TST: variants seen among roughly 807,000 people sequenced by gnomAD.
TST encodes the protein epididymis secretory sperm binding protein.
In TST, 22 loss-of-function variants were observed where a neutral mutation model predicts 20.4. The ratio of observed to expected loss-of-function variants is 1.08; its 90% CI spans 0.77 to 1.54. The LOEUF (loss-of-function observed/expected upper bound fraction) is 1.54. Among genes scored for constraint, TST ranks in the 40% most tolerant of loss-of-function variants. The pLI, the probability that TST is intolerant of heterozygous loss-of-function variation, is 0.00. For synonymous variants in TST, 187 were observed against 173.8 expected (o/e 1.08, Z -0.60); for missense variants, 392 against 405.2 (o/e 0.97, Z 0.28).
At chr22:37,011,734 T>C (rs958734154) in intron 2 of TST, among the ~76,000 whole-genome samples, 15 of 152,232 alleles carry the variant, frequency 9.9e-5, no homozygotes, top group Non-Finnish European at 1.8e-4. Flanking sequence ...TTGCAAATGC[T>C]ATGTGCTGAG....
intron 1 of TST, chr22:37,019,133 T>G: frequency 5.9e-6 from 1 of 168,940 alleles, no homozygotes; most frequent in Non-Finnish European, 1.3e-5. Context: ...AGAATCCCCT[T>G]TCCTTCCAAG....
intron 1 of TST, 62 bp from the exon 2 acceptor site, chr22:37,018,815 T>A: frequency 1.7e-6 from 2 of 1,208,280 alleles, no homozygotes; most frequent in Non-Finnish European, 2.2e-6. Context: ...GTGTGTGCAG[T>A]AGGGTGAGGC....
At chr22:37,019,513 G>GA (rs1019335518), upstream of TST, 3 of 149,550 alleles carry the variant, frequency 2.0e-5, no homozygotes, top group Non-Finnish European at 4.5e-5. Flanking sequence ...CGCCAGAGGG[G>GA]GACCCTGCGC....
At chr22:37,016,135 C>T (rs1444601112) in intron 2 of TST, among the ~76,000 whole-genome samples, 1 of 151,500 alleles carries the variant, frequency 6.6e-6, no homozygotes, top group African/African-American at 2.4e-5. Context: ...TTAGTAGCGA[C>T]GGGGTTTCAC....
intron 2 of TST, among the ~76,000 whole-genome samples, chr22:37,016,607 T>C (rs536337725): frequency 6.6e-6 from 1 of 152,194 alleles, no homozygotes; most frequent in Admixed American, 6.5e-5. Context: ...CAGGGCAGGC[T>C]GGGAAGCAGC....
Position 37,018,150 on chromosome 22 carries a change from G to A in TST, c.583C>T (p.Pro195Ser). ...CTGGGACACCTACCTACTGCATCCG[G>A]CTCCGGCTCGGTGCCCAGGAACCGC... ...QGRFLGTEPE[P>S]DAVGLDSGHI... Residue 195 changes from proline to serine, a missense_variant, in exon 2 of 3, where the codon CCG (proline) becomes TCG (serine). Coordinates refer to ENST00000249042, the MANE Select transcript of TST (RefSeq NM_003312.6). 6.4e-7 allele frequency: 1 copy of A among 1,555,740 alleles called. No individual in the cohort carries two copies. The highest frequency in any genetic ancestry group is 8.7e-7 in the Non-Finnish European group (1 of 1,148,910).
chr22:37,018,761 G>T lies in TST; in HGVS notation c.-21-8C>A, dbSNP rs541772320. On this transcript the variant is annotated splice_region_variant and splice_polypyrimidine_tract_variant and intron_variant, in intron 1 of 2. Transcript: ENST00000249042. ...TTCAGCTCTGCGTGTCACCTGGCACGGGTGGGAACCAGGAAAGAGAGACAG... is the reference window on the plus strand; with the variant it reads ...TTCAGCTCTGCGTGTCACCTGGCACTGGTGGGAACCAGGAAAGAGAGACAG... The T allele has an allele frequency of 1.4e-6, 2 of 1,450,276 alleles. No individual in the cohort carries two copies. The highest frequency in any genetic ancestry group is 2.9e-5 in the South Asian group (2 of 69,486). 89.8% of individuals were successfully genotyped at this position (1,450,276 alleles called of 1,614,324 possible). A position where few individuals can be genotyped will look rare whatever the true frequency, so the allele number is the denominator to read the frequency against.
intron 1 of TST, chr22:37,018,975 A>C: frequency 2.3e-6 from 1 of 434,778 alleles, no homozygotes. Context: ...CCCAGCGCAG[A>C]AGCGGGTGGG....
intron 2 of TST, among the ~76,000 whole-genome samples, chr22:37,015,070 ACCC>A (rs1922627330): frequency 6.6e-6 from 1 of 151,954 alleles, no homozygotes; most frequent in African/African-American, 2.4e-5. Context: ...CTTACAGCTC[ACCC>A]CACCCACAGC....
chr22:37,019,474 T>C (rs1601451389), upstream of TST: 2 of 148,542 alleles, frequency 1.3e-5, no homozygotes, highest in East Asian at 4.0e-4. Flanking sequence ...CGGCCGCAGC[T>C]CCCCAGGCGG....
At chr22:37,014,178 C>A (rs899267470) in intron 2 of TST, among the ~76,000 whole-genome samples, 3 of 152,088 alleles carry the variant, frequency 2.0e-5, no homozygotes, top group African/African-American at 7.2e-5. Flanking sequence ...CTGGCTAACA[C>A]GGTGAAACCC....
intron 2 of TST, among the ~76,000 whole-genome samples, chr22:37,016,004 C>T (rs1243499345): frequency 2.2e-5 from 3 of 133,774 alleles, no homozygotes; most frequent in East Asian, 2.2e-4. Context: ...AGTGCAGTGG[C>T]GCGATCTTGG....
upstream of TST, chr22:37,019,750 G>A: frequency 1.8e-6 from 1 of 567,834 alleles, no homozygotes; most frequent in Non-Finnish European, 2.6e-6. Context: ...CTGTGCCGGA[G>A]TCTCCTCCCT....
chr22:37,018,201 G>T lies in TST; in HGVS notation c.532C>A (p.Gln178Lys). 7 of 1,612,106 alleles carry T rather than the reference G, an allele frequency of 4.3e-6. No individual in the cohort carries two copies. Among genetic ancestry groups the T allele is most frequent in the Non-Finnish European group, 5.9e-6 (7 of 1,179,042 alleles). ...VLENLESKRF[Q>K]LVDSRSQGRF... ...CCTTGAGACCTTGAATCCACCAGCT[G>T]GAACCTCTTAGATTCAAGGTTCTCC... Residue 178 changes from glutamine (Q) to lysine (K), a missense_variant, in exon 2 of 3, where the codon CAG becomes AAG. Coordinates refer to ENST00000249042, the MANE Select transcript of TST (RefSeq NM_003312.6).
chr22:37,018,374 C>T lies in TST; in HGVS notation c.359G>A (p.Gly120Asp), dbSNP rs774730319. The change falls in exon 2 of 3, where the codon GGC becomes GAC. Residue 120 changes from glycine (G) to aspartate (D), a missense_variant. By Grantham distance (94) the Gly-to-Asp change is moderately conservative. Transcript: ENST00000249042. ...PRVWWMFRVF[G>D]HRTVSVLNGG... ...ATTGAGCACTGATACGGTGCGGTGG[C>T]CAAACACACGGAACATCCACCAGAC... The T allele has an allele frequency of 6.2e-7, 1 of 1,613,988 alleles. No homozygotes were observed. The highest frequency in any genetic ancestry group is 8.5e-7 in the Non-Finnish European group (1 of 1,180,028).
At chr22:37,013,786 A>C (rs1192373989) in intron 2 of TST, among the ~76,000 whole-genome samples, 1 of 152,208 alleles carries the variant, frequency 6.6e-6, no homozygotes, top group Admixed American at 6.5e-5. Flanking sequence ...ACCCAGCTTT[A>C]AAATGTTTCC....
intron 2 of TST, 78 bp downstream of exon 2, chr22:37,018,055 TGGAGA>T: frequency 9.0e-7 from 1 of 1,112,424 alleles, no homozygotes; most frequent in Non-Finnish European, 1.3e-6. Context: ...GGACGGACCC[TGGAGA>T]GGGTCCCAGT....
chr22:37,014,013 G>A (rs1453893563), intron 2 of TST, among the ~76,000 whole-genome samples: 1 of 152,176 alleles, frequency 6.6e-6, no homozygotes, highest in Non-Finnish European at 1.5e-5. Flanking sequence ...CCTGTCTGGG[G>A]CATTTAAATG....
chr22:37,012,279 C>T (rs531696256), intron 2 of TST, among the ~76,000 whole-genome samples: 50 of 152,234 alleles, frequency 3.3e-4, no homozygotes, highest in South Asian at 1.4e-3. Flanking sequence ...AGTGGAGGGA[C>T]TCGGCTGGCT....
Sources: gnomAD v4.1 joint callset for allele counts (sites outside exome capture counted in the v4.1 genomes callset) on GRCh38, gnomAD v4.1.1 for gene constraint, MANE v1.5 for transcripts, NCBI Gene and HGNC (gene_info 2026-07-23, HGNC 2026-07-21) for gene names.